SAE1: variants seen among roughly 807,000 people sequenced by gnomAD.
SAE1 encodes the protein SUMO1 activating enzyme subunit 1.
In SAE1, 11 loss-of-function variants were observed where a neutral mutation model predicts 40.6. That is an observed-to-expected ratio of 0.27 (90% CI 0.17 to 0.45). The LOEUF (loss-of-function observed/expected upper bound fraction) is 0.45. SAE1 is among the 20% of genes least tolerant of loss of function. The pLI, the probability that SAE1 is intolerant of heterozygous loss-of-function variation, is 1.00. For synonymous variants in SAE1, 155 were observed against 154.3 expected (o/e 1.00, Z -0.03); for missense variants, 373 against 427.3 (o/e 0.87, Z 1.12).
intron 5 of SAE1, among the ~76,000 whole-genome samples, chr19:47,158,661 C>T (rs2058338562): frequency 6.6e-6 from 1 of 152,192 alleles, no homozygotes; most frequent in Non-Finnish European, 1.5e-5. Context: ...CCCTCACTGC[C>T]GCAGCCAGCT....
chr19:47,190,318 C>T (rs1413206071), intron 6 of SAE1, among the ~76,000 whole-genome samples: 1 of 151,898 alleles, frequency 6.6e-6, no homozygotes, highest in Non-Finnish European at 1.5e-5. Context: ...GTGGGAGGTG[C>T]TCTTCAGAAA....
intron 6 of SAE1, among the ~76,000 whole-genome samples, chr19:47,196,109 G>A (rs1198741487): frequency 6.8e-6 from 1 of 146,766 alleles, no homozygotes; most frequent in African/African-American, 2.5e-5. Flanking sequence ...GCAGTGGCAC[G>A]ATCTTGGCTC....
At chr19:47,204,256 A>G (rs149561141) in intron 8 of SAE1, among the ~76,000 whole-genome samples, 1,490 of 123,352 alleles carry the variant, frequency 0.012, 22 homozygotes, top group African/African-American at 0.046. Flanking sequence ...GGAGTGCAGT[A>G]GCACGATCTC....
At chr19:47,182,711 A>G (rs910292881) in intron 6 of SAE1, among the ~76,000 whole-genome samples, 2 of 152,096 alleles carry the variant, frequency 1.3e-5, no homozygotes, top group Admixed American at 6.6e-5. Flanking sequence ...GGTCTGCAAG[A>G]GAGGTTCAGC....
chr19:47,180,185 GAC>G (rs1446477347), intron 6 of SAE1: 1 of 456,094 alleles, frequency 2.2e-6, no homozygotes, highest in Non-Finnish European at 4.4e-6. Flanking sequence ...TATGCCCAGA[GAC>G]ATCCCAGAAG....
At chr19:47,171,231 C>G (rs530752664) in intron 6 of SAE1, among the ~76,000 whole-genome samples, 1 of 152,178 alleles carries the variant, frequency 6.6e-6, no homozygotes, top group African/African-American at 2.4e-5. Flanking sequence ...CCTCAGCCCC[C>G]CAAAGTGCTG....
intron 7 of SAE1, among the ~76,000 whole-genome samples, chr19:47,200,196 G>T (rs2058644152): frequency 6.7e-6 from 1 of 149,514 alleles, no homozygotes; most frequent in South Asian, 2.1e-4. Flanking sequence ...GCCTCCCAAA[G>T]TGTTGGGATT....
At chr19:47,170,848 C>A (rs1156536554) in intron 6 of SAE1, among the ~76,000 whole-genome samples, 1 of 152,156 alleles carries the variant, frequency 6.6e-6, no homozygotes, top group African/African-American at 2.4e-5. Flanking sequence ...ACCATCCTCA[C>A]GCTTATGAAA....
intron 1 of SAE1, among the ~76,000 whole-genome samples, chr19:47,131,401 A>G (rs2058141297): frequency 6.6e-6 from 1 of 152,056 alleles, no homozygotes; most frequent in Non-Finnish European, 1.5e-5. Flanking sequence ...GACGCAGTTC[A>G]TTCATTCGAG....
chr19:47,196,063 C>G (rs1432803454), intron 6 of SAE1, among the ~76,000 whole-genome samples: 3 of 144,210 alleles, frequency 2.1e-5, no homozygotes, highest in Admixed American at 6.9e-5. Flanking sequence ...TTTTTTTTTC[C>G]CAGACGGAGT....
intron 5 of SAE1, among the ~76,000 whole-genome samples, chr19:47,168,418 C>A (rs896341749): frequency 2.0e-5 from 3 of 151,960 alleles, no homozygotes; most frequent in African/African-American, 7.3e-5. Flanking sequence ...GTTCTCTTGC[C>A]TCAGCCTCCT....
At chr19:47,175,097 A>G (rs893282933) in intron 6 of SAE1, among the ~76,000 whole-genome samples, 1 of 147,710 alleles carries the variant, frequency 6.8e-6, no homozygotes, top group Non-Finnish European at 1.5e-5. Flanking sequence ...ATAATTTAAA[A>G]GTGGCCTTGA....
At chr19:47,152,811 G>C (rs1265277167) in intron 3 of SAE1, 87 bp from the exon 4 acceptor site, 1 of 1,306,334 alleles carries the variant, frequency 7.7e-7, no homozygotes, top group Non-Finnish European at 1.1e-6. Context: ...TGCCCAGAGA[G>C]ACTGTTCATT....
chr19:47,137,730 G>GTT (rs1159240222), intron 1 of SAE1, among the ~76,000 whole-genome samples: 17 of 107,046 alleles, frequency 1.6e-4, no homozygotes, highest in Admixed American at 2.0e-4. Flanking sequence ...TGTGTGTGTT[G>GTT]TTTTTTTTTT....
intron 2 of SAE1, among the ~76,000 whole-genome samples, chr19:47,148,385 G>A (rs902415892): frequency 1.3e-5 from 2 of 152,004 alleles, no homozygotes; most frequent in African/African-American, 4.8e-5. Context: ...TACTTCTGTT[G>A]TACCTAGTCT....
intron 6 of SAE1, among the ~76,000 whole-genome samples, chr19:47,175,184 G>C (rs761690435): frequency 6.7e-6 from 1 of 149,604 alleles, no homozygotes; most frequent in African/African-American, 2.5e-5. Context: ...ATGCAGGGTG[G>C]CTTTGGGGGA....
At chr19:47,161,417 T>C (rs1279949034) in intron 5 of SAE1, among the ~76,000 whole-genome samples, 3 of 152,316 alleles carry the variant, frequency 2.0e-5, no homozygotes, top group African/African-American at 7.2e-5. Context: ...CAAATATTTT[T>C]GGTACTTTTG....
At chr19:47,186,189 G>A (rs1230026220) in intron 6 of SAE1, among the ~76,000 whole-genome samples, 5 of 151,632 alleles carry the variant, frequency 3.3e-5, no homozygotes, top group African/African-American at 4.8e-5. Context: ...GCGGTGAGCC[G>A]AGATCCCGCC....
chr19:47,199,724 A>C (rs1425971699), intron 7 of SAE1, among the ~76,000 whole-genome samples: 1 of 152,066 alleles, frequency 6.6e-6, no homozygotes, highest in Non-Finnish European at 1.5e-5. Flanking sequence ...ATTGGAACTG[A>C]AGCCCTGCAT....
Sources: allele counts gnomAD v4.1 joint callset (sites outside exome capture counted in the v4.1 genomes callset), GRCh38; gene constraint gnomAD v4.1.1; transcripts MANE v1.5; gene names NCBI Gene and HGNC (gene_info 2026-07-23, HGNC 2026-07-21).